The following DCP2 variants were observed in gnomAD, a reference collection of about 807,000 sequenced individuals.
DCP2 encodes decapping mRNA 2.
A neutral mutation model predicts 56.1 loss-of-function variants in DCP2; 30 were observed. The observed-to-expected ratio is 0.53, with a 90% confidence interval of 0.40 to 0.73. The LOEUF is 0.73. Ranked by LOEUF, DCP2 falls within the 30% of genes least tolerant of loss-of-function variation. DCP2 has a pLI of 0.00. For missense variants in DCP2, 533 were observed against 502.7 expected (o/e 1.06, Z -0.58); for synonymous variants, 197 against 163.3 (o/e 1.21, Z -1.57).
intron 4 of DCP2, among the ~76,000 whole-genome samples, chr5:112,996,251 G>A (rs1049699472): frequency 2.0e-5 from 3 of 152,188 alleles, no homozygotes; most frequent in African/African-American, 7.2e-5. Flanking sequence ...GCTTGACCGA[G>A]TGACATTACC....
chr5:112,983,640 C>G (rs533614544), intron 1 of DCP2, among the ~76,000 whole-genome samples: 28 of 152,090 alleles, frequency 1.8e-4, no homozygotes, highest in Non-Finnish European at 3.7e-4. Context: ...AAAATAGACA[C>G]TGCAAAATTT....
At chr5:112,992,959 T>G (rs1748662258) in intron 4 of DCP2, among the ~76,000 whole-genome samples, 189 bp downstream of exon 4, 1 of 152,176 alleles carries the variant, frequency 6.6e-6, no homozygotes, top group South Asian at 2.1e-4. Context: ...TCATTTATTC[T>G]TATCTGTTCC....
intron 2 of DCP2, among the ~76,000 whole-genome samples, chr5:112,987,359 C>T (rs1009828032): frequency 2.7e-4 from 41 of 152,104 alleles, no homozygotes; most frequent in Admixed American, 2.6e-3. Flanking sequence ...CTCATGGGGC[C>T]ATAATAGCAG....
rs766050029 is a variant in DCP2 at position 112,986,004 on chromosome 5, A to G, written c.205+18A>G. On this transcript the variant is annotated intron_variant, in intron 2 of 10. Coordinates refer to ENST00000389063, the MANE Select transcript of DCP2 (RefSeq NM_152624.6). ...TAAAGCTGATATCCTTTTTATTACTATAATGACTGACTTTCTTGTTAGCAA... is the reference window on the plus strand; with the variant it reads ...TAAAGCTGATATCCTTTTTATTACTGTAATGACTGACTTTCTTGTTAGCAA... 15 of 1,504,140 alleles carry G rather than the reference A, an allele frequency of 1.0e-5. No individual in the cohort carries two copies. In the Middle Eastern group the frequency reaches 1.9e-3, roughly 194 times the overall value. The allele number at this position is 1,504,140 out of a possible 1,614,324, so 93.2% of individuals were successfully genotyped here. A position where few individuals can be genotyped will look rare whatever the true frequency, so the allele number is the denominator to read the frequency against.
rs1749885985 is a variant in DCP2 at position 113,016,356 on chromosome 5, G to A, written c.*2872G>A. The A allele has an allele frequency of 6.6e-6, 1 of 152,512 alleles. No homozygotes were observed. 9.4% of individuals were successfully genotyped at this position (152,512 alleles called of 1,614,324 possible). On this transcript the variant is annotated 3_prime_UTR_variant, in exon 11 of 11. Coordinates refer to ENST00000389063, the MANE Select transcript of DCP2 (RefSeq NM_152624.6). ...TTGATTAAAGATGTTGGAAAATGAA[G>A]TTGGATTTTTGTATTCATGTATAAA...
chr5:113,008,830 A>G (rs1348980178), intron 9 of DCP2, among the ~76,000 whole-genome samples: 1 of 151,268 alleles, frequency 6.6e-6, no homozygotes, highest in Non-Finnish European at 1.5e-5. Flanking sequence ...GCTGTTTTTA[A>G]CAAAAACTAG....
chr5:113,010,941 T>C, intron 10 of DCP2, 134 bp downstream of exon 10: 1 of 903,964 alleles, frequency 1.1e-6, no homozygotes, highest in Non-Finnish European at 1.6e-6. Flanking sequence ...GTAGAAAGAG[T>C]TCATGTATGT....
chr5:112,997,851 G>A (rs1445494058), intron 4 of DCP2, among the ~76,000 whole-genome samples: 3 of 152,110 alleles, frequency 2.0e-5, no homozygotes, highest in Non-Finnish European at 4.4e-5. Flanking sequence ...CTGACCTCGT[G>A]ATCCACCAGC....
At chr5:112,996,575 A>G (rs1748865469) in intron 4 of DCP2, among the ~76,000 whole-genome samples, 1 of 152,220 alleles carries the variant, frequency 6.6e-6, no homozygotes, top group African/African-American at 2.4e-5. Context: ...GTTACACTGT[A>G]GCAGAATTTG....
intron 4 of DCP2, among the ~76,000 whole-genome samples, chr5:113,000,420 A>ACACCCCCC (rs1554100629): frequency 6.8e-6 from 1 of 146,762 alleles, no homozygotes; most frequent in Admixed American, 6.8e-5. Context: ...ACACACACAC[A>ACACCCCCC]CACACCCACA....
rs142013240 is a variant in DCP2, at chr5:112,985,936, A to G, written c.155A>G (p.Gln52Arg). 14 of 1,604,286 alleles carry G rather than the reference A, an allele frequency of 8.7e-6. No homozygotes were observed. The highest frequency in any genetic ancestry group is 1.2e-5 in the Non-Finnish European group (14 of 1,172,478). Residue 52 changes from glutamine (Q) to arginine (R), a missense_variant, in exon 2 of 11, where the codon CAG becomes CGG. Coordinates refer to ENST00000389063, the MANE Select transcript of DCP2 (RefSeq NM_152624.6). Reference protein sequence around the residue: ...AHWFYLDFYMQNTPGLPQCGI... With the variant: ...AHWFYLDFYMRNTPGLPQCGI... The stretch of plus-strand genomic sequence containing the variant: ...TGGTTTTACTTGGATTTCTACATGC[A>G]GAACACACCAGGATTACCTCAGTGT...
In DCP2 at chr5:113,014,153, C is replaced by G. The variant is rs940570970; in HGVS notation, c.*669C>G. Reference sequence around the variant, plus strand: ...TGGGAGCTGATGCTGTGATTTTGAGCTGTGGTTACATGCAGTCAGTAAACC... The same window carrying G: ...TGGGAGCTGATGCTGTGATTTTGAGGTGTGGTTACATGCAGTCAGTAAACC... On this transcript the variant is annotated 3_prime_UTR_variant, in exon 11 of 11. Coordinates refer to ENST00000389063, the MANE Select transcript of DCP2 (RefSeq NM_152624.6). The G allele has an allele frequency of 5.2e-5, 8 of 152,426 alleles. No individual in the cohort carries two copies. Among genetic ancestry groups the G allele is most frequent in the African/African-American group, 1.7e-4 (7 of 41,564 alleles). 9.4% of individuals were successfully genotyped at this position (152,426 alleles called of 1,614,324 possible).
At chr5:113,007,092 CTG>C (rs1255291533) in intron 8 of DCP2, among the ~76,000 whole-genome samples, 5 of 151,726 alleles carry the variant, frequency 3.3e-5, no homozygotes, top group African/African-American at 1.2e-4. Context: ...GAGCCAAGCA[CTG>C]TGCTCCGGCC....
chr5:113,006,460 C>T (rs1412521407), intron 8 of DCP2, among the ~76,000 whole-genome samples: 1 of 152,136 alleles, frequency 6.6e-6, no homozygotes, highest in Non-Finnish European at 1.5e-5. Context: ...TAAAAAACTG[C>T]TGGGAAGAGT....
intron 1 of DCP2, among the ~76,000 whole-genome samples, chr5:112,982,343 C>G (rs920269986): frequency 2.6e-5 from 4 of 152,184 alleles, no homozygotes; most frequent in Non-Finnish European, 5.9e-5. Flanking sequence ...CGTTGCTCCT[C>G]AGACTTGCCT....
chr5:113,005,270 A>ATG (rs1243804405), intron 8 of DCP2, among the ~76,000 whole-genome samples: 1 of 152,164 alleles, frequency 6.6e-6, no homozygotes, highest in Non-Finnish European at 1.5e-5. Flanking sequence ...AATTATATAT[A>ATG]TAAGGGGTTA....
chr5:112,980,285 C>T (rs540035375), intron 1 of DCP2, among the ~76,000 whole-genome samples: 2 of 152,090 alleles, frequency 1.3e-5, no homozygotes, highest in Non-Finnish European at 2.9e-5. Flanking sequence ...TATAGTAAGG[C>T]CACACTAGTG....
chr5:113,007,760 C>A (rs898360016), intron 8 of DCP2, among the ~76,000 whole-genome samples, 178 bp from the exon 9 acceptor site: 2 of 152,246 alleles, frequency 1.3e-5, no homozygotes, highest in East Asian at 1.9e-4. Context: ...AGAACTCTTG[C>A]TTTGGGAAGC....
intron 2 of DCP2, among the ~76,000 whole-genome samples, chr5:112,991,367 G>A (rs1002167457): frequency 6.6e-6 from 1 of 152,114 alleles, no homozygotes; most frequent in Non-Finnish European, 1.5e-5. Context: ...TGGAGTGTTG[G>A]AAGTCTGAGC....
Sources: gnomAD v4.1 joint callset for allele counts (sites outside exome capture counted in the v4.1 genomes callset) on GRCh38, gnomAD v4.1.1 for gene constraint, MANE v1.5 for transcripts, NCBI Gene and HGNC (gene_info 2026-07-23, HGNC 2026-07-21) for gene names.